TTLL5: variants seen among roughly 807,000 people sequenced by gnomAD.
TTLL5 encodes tubulin polyglutamylase TTLL5.
Under a neutral mutation model 168.4 loss-of-function variants are expected in TTLL5, and 132 were observed. The observed-to-expected ratio is 0.78, with a 90% CI of 0.68 to 0.91. The LOEUF is 0.91. Among genes scored for constraint, TTLL5 ranks in the 40% least tolerant of loss-of-function variants. The pLI, the probability that TTLL5 is intolerant of heterozygous loss-of-function variation, is 0.00. For synonymous variants in TTLL5, 546 were observed against 558.6 expected (o/e 0.98, Z 0.32); for missense variants, 1,545 against 1,581.5 (o/e 0.98, Z 0.39).
At chr14:75,836,960 T>C (rs1895902634) in intron 28 of TTLL5, among the ~76,000 whole-genome samples, 1 of 152,212 alleles carries the variant, frequency 6.6e-6, no homozygotes, top group Non-Finnish European at 1.5e-5. Flanking sequence ...TGTGATTGCA[T>C]TGGTTACCTA....
At chr14:75,756,705 G>A (rs553249143) in intron 18 of TTLL5, among the ~76,000 whole-genome samples, 2 of 151,910 alleles carry the variant, frequency 1.3e-5, no homozygotes, top group Admixed American at 6.6e-5. Context: ...GATGGGTTTC[G>A]CCATGTTGGC....
intron 9 of TTLL5, among the ~76,000 whole-genome samples, chr14:75,714,944 G>A (rs756640372): frequency 6.6e-6 from 1 of 152,154 alleles, no homozygotes; most frequent in Non-Finnish European, 1.5e-5. Flanking sequence ...TTCTATATCT[G>A]TCTCTAATGT....
intron 21 of TTLL5, among the ~76,000 whole-genome samples, chr14:75,772,415 C>T (rs1043046365): frequency 3.3e-5 from 5 of 152,186 alleles, no homozygotes; most frequent in Non-Finnish European, 5.9e-5. Context: ...AAAGTCATCA[C>T]CTTATCATAG....
intron 12 of TTLL5, among the ~76,000 whole-genome samples, chr14:75,731,768 A>G (rs984998412): frequency 6.6e-6 from 1 of 152,200 alleles, no homozygotes; most frequent in African/African-American, 2.4e-5. Flanking sequence ...TCAAAGGGAA[A>G]TTGAAACTGT....
intron 2 of TTLL5, among the ~76,000 whole-genome samples, chr14:75,667,649 T>A (rs934605921): frequency 6.6e-6 from 1 of 152,056 alleles, no homozygotes; most frequent in Non-Finnish European, 1.5e-5. Context: ...TTTGCTTTCT[T>A]CACTAGAAAG....
chr14:75,903,780 A>G (rs1326387291), intron 31 of TTLL5, among the ~76,000 whole-genome samples: 1 of 151,782 alleles, frequency 6.6e-6, no homozygotes, highest in Non-Finnish European at 1.5e-5. Flanking sequence ...CGCTAGTCCT[A>G]GCTACTCAAG....
chr14:75,720,731 T>C, intron 12 of TTLL5, 28 bp downstream of exon 12: 2 of 1,582,430 alleles, frequency 1.3e-6, no homozygotes, highest in East Asian at 4.5e-5. Context: ...GCTTAACATG[T>C]TTTGTGAAGA....
At chr14:75,669,213 A>G (rs1883526667) in intron 2 of TTLL5, among the ~76,000 whole-genome samples, 1 of 152,204 alleles carries the variant, frequency 6.6e-6, no homozygotes, top group African/African-American at 2.4e-5. Context: ...GCTGAAACCA[A>G]TCAAGGCCCA....
chr14:75,833,579 A>G (rs1002833404), intron 28 of TTLL5, among the ~76,000 whole-genome samples: 2 of 152,230 alleles, frequency 1.3e-5, no homozygotes, highest in African/African-American at 2.4e-5. Flanking sequence ...TCTAAAATAG[A>G]GAATAAATGC....
rs201204661 is a variant in TTLL5 at position 75,663,367 on chromosome 14, GT to G, written c.74+148del. The G allele has an allele frequency of 1.1e-3, 934 of 820,256 alleles. 5 individuals carry two copies. In the African/African-American group the frequency reaches 0.014, roughly 12 times the overall value. The allele number at this position is 820,256 out of a possible 1,614,324, so 50.8% of individuals were successfully genotyped here. A position where few individuals can be genotyped will look rare whatever the true frequency, so the allele number is the denominator to read the frequency against. ...ATTCCTTGGGGATTATCTAACTCTGGTTTTAGCTTCTATCCATAATGTCATT... is the reference window on the plus strand; with the variant it reads ...ATTCCTTGGGGATTATCTAACTCTGGTTTAGCTTCTATCCATAATGTCATT... On this transcript the variant is annotated intron_variant, in intron 2 of 31. Transcript: ENST00000298832.
chr14:75,874,588 A>T (rs1233183899), intron 29 of TTLL5, among the ~76,000 whole-genome samples: 1 of 152,236 alleles, frequency 6.6e-6, no homozygotes, highest in African/African-American at 2.4e-5. Flanking sequence ...AGACATACTG[A>T]TGAAATACAA....
chr14:75,834,338 A>G (rs1895759241), intron 28 of TTLL5, among the ~76,000 whole-genome samples: 1 of 152,226 alleles, frequency 6.6e-6, no homozygotes, highest in Non-Finnish European at 1.5e-5. Flanking sequence ...GGAAAGTTGA[A>G]AAGTTAAAGT....
chr14:75,673,959 T>C (rs1883946717), intron 3 of TTLL5, among the ~76,000 whole-genome samples: 1 of 152,226 alleles, frequency 6.6e-6, no homozygotes, highest in South Asian at 2.1e-4. Context: ...TAAAGGTGGA[T>C]AAAAACAAAT....
chr14:75,773,949 G>GAGAGAAAGAGAGAA (rs1891523193), intron 21 of TTLL5, among the ~76,000 whole-genome samples: 1 of 46,336 alleles, frequency 2.2e-5, no homozygotes, highest in African/African-American at 7.9e-5. Context: ...GAGAGAGAGA[G>GAGAGAAAGAGAGAA]AGAGAGAAAG....
At chr14:75,682,197 A>G (rs1884671041) in intron 4 of TTLL5, among the ~76,000 whole-genome samples, 1 of 151,654 alleles carries the variant, frequency 6.6e-6, no homozygotes, top group South Asian at 2.1e-4. Context: ...CTCAAAAAAA[A>G]AAAAAAAAAC....
intron 31 of TTLL5, among the ~76,000 whole-genome samples, chr14:75,908,593 C>G (rs1296286896): frequency 6.6e-6 from 1 of 152,118 alleles, no homozygotes; most frequent in Middle Eastern, 3.2e-3. Context: ...GTCAGTTGTC[C>G]TTATCAGAGT....
In TTLL5 at chr14:75,831,518, C is replaced by T. The variant is rs566348725; in HGVS notation, c.3326+11357C>T. Among the ~76,000 whole-genome samples, 15 of 152,240 alleles carry T rather than the reference C, an allele frequency of 9.9e-5. No individual in the cohort carries two copies. In the South Asian group the frequency reaches 2.5e-3, roughly 25 times the overall value. ...CCCTCCCTCTACTGCCCACAGCCAC[C>T]GCCACCCCCACCTGCCTGGCTGGAG... On this transcript the variant is annotated intron_variant, in intron 28 of 31. Transcript: ENST00000298832.
intron 29 of TTLL5, among the ~76,000 whole-genome samples, chr14:75,865,766 TC>T (rs2030466769): frequency 6.6e-6 from 1 of 152,226 alleles, no homozygotes. Flanking sequence ...GAATTTCTTT[TC>T]ACTGAGGATT....
chr14:75,795,198 G>A (rs187926790), intron 27 of TTLL5, among the ~76,000 whole-genome samples: 1 of 152,240 alleles, frequency 6.6e-6, no homozygotes, highest in Admixed American at 6.5e-5. Context: ...TTAACCTCAG[G>A]GTCTTCACTG....
Sources: gnomAD v4.1 joint callset for allele counts (sites outside exome capture counted in the v4.1 genomes callset) on GRCh38, gnomAD v4.1.1 for gene constraint, MANE v1.5 for transcripts, NCBI Gene and HGNC (gene_info 2026-07-23, HGNC 2026-07-21) for gene names.